The following SUGCT variants were observed in gnomAD, a reference collection of about 807,000 sequenced individuals.
SUGCT encodes succinyl-CoA:glutarate CoA-transferase.
SUGCT carries 41 observed loss-of-function variants against 55.0 expected under a neutral mutation model. The ratio of observed to expected loss-of-function variants is 0.74; its 90% CI spans 0.58 to 0.97. The LOEUF is 0.97. Among genes scored for constraint, SUGCT ranks in the 50% least tolerant of loss-of-function variants. SUGCT has a pLI of 0.00. For missense variants in SUGCT, 568 were observed against 547.8 expected, an observed-to-expected ratio of 1.04 and a Z score of -0.37; for synonymous variants, 187 against 200.4, an observed-to-expected ratio of 0.93 and a Z score of 0.56.
chr7:40,772,098 C>T (rs1789134160), intron 13 of SUGCT, among the ~76,000 whole-genome samples: 1 of 152,094 alleles, frequency 6.6e-6, no homozygotes, highest in Non-Finnish European at 1.5e-5. Context: ...AGGAGTAAGC[C>T]AGCTTGCAGC....
At chr7:40,913,185 T>A in the SUGCT span, among the ~76,000 whole-genome samples, 5 of 152,172 alleles carry the variant, frequency 3.3e-5, no homozygotes, top group African/African-American at 1.2e-4. Flanking sequence ...TAATTTTTTG[T>A]ACTTTTAGTA....
At chr7:40,517,920 A>G (rs748923062) in intron 12 of SUGCT, among the ~76,000 whole-genome samples, 27 of 152,132 alleles carry the variant, frequency 1.8e-4, no homozygotes, top group Non-Finnish European at 2.9e-4. Flanking sequence ...TATAATTCCA[A>G]TTATACACCA....
intron 13 of SUGCT, among the ~76,000 whole-genome samples, chr7:40,828,589 A>C (rs527777596): frequency 7.2e-4 from 110 of 152,058 alleles, no homozygotes; most frequent in Non-Finnish European, 1.1e-3. Context: ...AAAAAAAAAA[A>C]AAAAACTCAA....
intron 12 of SUGCT, among the ~76,000 whole-genome samples, chr7:40,672,713 T>C (rs959902472): frequency 6.6e-6 from 1 of 152,210 alleles, no homozygotes; most frequent in Non-Finnish European, 1.5e-5. Context: ...GATGTTACCA[T>C]TGAAGGAAAC....
intron 12 of SUGCT, chr7:40,499,458 A>G (rs1481531574): frequency 1.0e-5 from 2 of 194,544 alleles, no homozygotes; most frequent in South Asian, 8.6e-5. Flanking sequence ...GATTCAATCA[A>G]AACAACAGAT....
At chr7:40,205,397 G>T (rs560041113) in intron 6 of SUGCT, among the ~76,000 whole-genome samples, 4 of 150,984 alleles carry the variant, frequency 2.6e-5, no homozygotes, top group Admixed American at 2.0e-4. Context: ...ATCCCAGCAC[G>T]TTGGGAGGCC....
chr7:40,746,367 G>A (rs1031319511), intron 12 of SUGCT, among the ~76,000 whole-genome samples: 16 of 152,082 alleles, frequency 1.1e-4, no homozygotes, highest in African/African-American at 3.9e-4. Flanking sequence ...CAAGAAGAAA[G>A]CCTATGGAAT....
chr7:40,323,995 A>G (rs1024593824), intron 9 of SUGCT, among the ~76,000 whole-genome samples: 1 of 151,876 alleles, frequency 6.6e-6, no homozygotes, highest in South Asian at 2.1e-4. Flanking sequence ...CCTCATCCTT[A>G]AAGACTTTGT....
At chr7:40,784,416 T>C (rs577875563) in intron 13 of SUGCT, among the ~76,000 whole-genome samples, 1 of 152,296 alleles carries the variant, frequency 6.6e-6, no homozygotes, top group South Asian at 2.1e-4. Flanking sequence ...CCTCTTCTCA[T>C]AGCGACTTAT....
intron 9 of SUGCT, among the ~76,000 whole-genome samples, chr7:40,368,252 A>G (rs571065027): frequency 8.6e-5 from 13 of 150,888 alleles, no homozygotes; most frequent in Non-Finnish European, 8.9e-5. Flanking sequence ...GGGCTGGAGT[A>G]CAATGGCTGA....
intron 6 of SUGCT, among the ~76,000 whole-genome samples, chr7:40,202,807 G>C (rs1786686511): frequency 6.6e-6 from 1 of 152,098 alleles, no homozygotes; most frequent in Non-Finnish European, 1.5e-5. Flanking sequence ...TTGTCCTATA[G>C]GCAGCCCTCA....
chr7:41,036,340 C>A, the SUGCT span, among the ~76,000 whole-genome samples: 1 of 152,136 alleles, frequency 6.6e-6, no homozygotes, highest in Non-Finnish European at 1.5e-5. Context: ...AGAAATGTTT[C>A]TACATCAGAA....
intron 11 of SUGCT, among the ~76,000 whole-genome samples, chr7:40,489,259 T>G (rs11982558): frequency 0.021 from 3,174 of 151,722 alleles, 81 homozygotes; most frequent in African/African-American, 0.07. Flanking sequence ...TTTTTTTTTT[T>G]GGGGTGGGGT....
chr7:40,476,605 T>G (rs559770020), intron 11 of SUGCT, among the ~76,000 whole-genome samples: 1 of 152,242 alleles, frequency 6.6e-6, no homozygotes, highest in Middle Eastern at 3.4e-3. Context: ...ATTTTTTACT[T>G]CAATTGGCTC....
chr7:40,931,202 C>T, the SUGCT span, among the ~76,000 whole-genome samples: 1 of 152,122 alleles, frequency 6.6e-6, no homozygotes, highest in Non-Finnish European at 1.5e-5. Context: ...ATCATTGGTT[C>T]TGTTTATATG....
the SUGCT span, among the ~76,000 whole-genome samples, chr7:40,871,100 A>G: frequency 6.6e-6 from 1 of 152,236 alleles, no homozygotes; most frequent in Admixed American, 6.5e-5. Flanking sequence ...TCTGAATACT[A>G]GACGTGCTAA....
At chr7:40,397,024 C>T (rs901097161) in intron 9 of SUGCT, among the ~76,000 whole-genome samples, 5 of 152,150 alleles carry the variant, frequency 3.3e-5, no homozygotes, top group African/African-American at 9.6e-5. Flanking sequence ...TAATATATAT[C>T]AGATAGACCT....
chr7:40,906,341 A>G, the SUGCT span, among the ~76,000 whole-genome samples: 3 of 152,168 alleles, frequency 2.0e-5, no homozygotes, highest in African/African-American at 7.2e-5. Flanking sequence ...ATCAGAGAGA[A>G]CTGGGGAAAC....
At chr7:40,691,897 G>A (rs1355956586) in intron 12 of SUGCT, among the ~76,000 whole-genome samples, 1 of 152,160 alleles carries the variant, frequency 6.6e-6, no homozygotes, top group African/African-American at 2.4e-5. Flanking sequence ...AATTTGTTAA[G>A]TGCTCACCAT....
Sources: allele counts gnomAD v4.1 joint callset (sites outside exome capture counted in the v4.1 genomes callset), GRCh38; gene constraint gnomAD v4.1.1; transcripts MANE v1.5; gene names NCBI Gene and HGNC (gene_info 2026-07-23, HGNC 2026-07-21).